NPEPL1: variants seen among roughly 807,000 people sequenced by gnomAD.
The protein encoded by NPEPL1 is probable aminopeptidase NPEPL1.
NPEPL1 carries 45 observed loss-of-function variants against 52.4 expected under a neutral mutation model. The observed-to-expected ratio is 0.86, with a 90% CI of 0.68 to 1.10. The LOEUF is 1.10. Among genes scored for constraint, NPEPL1 ranks in the 50% least tolerant of loss-of-function variants. The probability of loss-of-function intolerance (pLI) is 0.00; values close to 1 mark genes in which losing one functional copy is unlikely to be tolerated. For missense variants in NPEPL1, 696 were observed against 710.9 expected, an observed-to-expected ratio of 0.98 and a Z score of 0.24; for synonymous variants, 360 against 314.7, an observed-to-expected ratio of 1.14 and a Z score of -1.52.
intron 4 of NPEPL1, 38 bp from the exon 5 acceptor site, chr20:58,699,159 T>G: frequency 5.3e-6 from 8 of 1,513,358 alleles, no homozygotes; most frequent in Non-Finnish European, 7.2e-6. Flanking sequence ...CATCTTCATG[T>G]GTTGTTGTGC....
In NPEPL1 at chr20:58,715,661, C is replaced by T. The variant is rs2084936374; in HGVS notation, c.*335C>T. 5.1e-6 allele frequency: 1 copy of T among 195,714 alleles called. No individual in the cohort carries two copies. The highest frequency in any genetic ancestry group is 1.0e-5 in the Non-Finnish European group (1 of 96,916). The allele number at this position is 195,714 out of a possible 1,614,324, so 12.1% of individuals were successfully genotyped here. On this transcript the variant is annotated 3_prime_UTR_variant, in exon 12 of 12. Coordinates refer to ENST00000356091, the MANE Select transcript of NPEPL1 (RefSeq NM_024663.4). ...CAGCCCCAGGTCCTGTGCAGGGCAC[C>T]TGCGTGGCTGACAGCCAGGCTCTTA...
In NPEPL1 at chr20:58,692,945, G is replaced by A; in HGVS notation, c.45G>A (p.Ser15=). 8.6e-7 allele frequency: 1 copy of A among 1,162,302 alleles called. No individual in the cohort carries two copies. The highest frequency in any genetic ancestry group is 1.1e-6 in the Non-Finnish European group (1 of 927,380). The allele number at this position is 1,162,302 out of a possible 1,614,324, so 72.0% of individuals were successfully genotyped here. A position where few individuals can be genotyped will look rare whatever the true frequency, so the allele number is the denominator to read the frequency against. ...AGTTCCAGGCGAGCGCGGGGGACTC[G>A]GACCCACAGAGCCGGCCCCTGCTGC... ...GLQFQASAGD[S]DPQSRPLLLL... is the part of the protein sequence containing the mutation. Residue 15 remains serine, a synonymous_variant, in exon 1 of 12, where the codon TCG becomes TCA. Transcript: ENST00000356091. The surrounding 1 kb of genome is among the most constrained non-coding windows in gnomAD (Gnocchi z 5.7).
chr20:58,711,823 C>G (rs575077395), intron 7 of NPEPL1, among the ~76,000 whole-genome samples: 3 of 152,212 alleles, frequency 2.0e-5, no homozygotes, highest in Non-Finnish European at 4.4e-5. Flanking sequence ...TCCGCGCTCT[C>G]GAGGCATGCT....
rs374053716 is a variant in NPEPL1, at chr20:58,714,021, G to C, written c.1230G>C (p.Pro410=). The change falls in exon 10 of 12, where the codon CCG becomes CCC. Residue 410 remains proline, a synonymous_variant. Transcript: ENST00000356091. ...AGRKCGDLVH[P]LVYCPELHFS... Reference sequence around the variant, plus strand: ...GGAAGTGTGGGGACCTGGTGCACCCGCTGGTCTACTGCCCCGAGCTGCACT... The same window carrying C: ...GGAAGTGTGGGGACCTGGTGCACCCCCTGGTCTACTGCCCCGAGCTGCACT... 3.9e-6 allele frequency: 6 copies of C among 1,528,994 alleles called. No homozygotes were observed. The South Asian group carries it at 5.0e-5, about 13-fold the overall frequency. The allele number at this position is 1,528,994 out of a possible 1,614,324, so 94.7% of individuals were successfully genotyped here.
upstream of NPEPL1, chr20:58,691,708 TTTTTTTC>T (rs2123067783): frequency 2.7e-6 from 2 of 739,638 alleles, no homozygotes; most frequent in Non-Finnish European, 2.1e-6. Context: ...TTTTTTTTTT[TTTTTTTC>T]ATTTTTAGGC....
chr20:58,698,533 G>T, intron 3 of NPEPL1, 151 bp from the exon 4 acceptor site: 1 of 707,330 alleles, frequency 1.4e-6, no homozygotes, highest in Non-Finnish European at 2.5e-6. Flanking sequence ...CAGGCAGCGA[G>T]AGCCATGGTC....
intron 6 of NPEPL1, among the ~76,000 whole-genome samples, chr20:58,702,057 C>G (rs2084637536): frequency 6.6e-6 from 1 of 152,244 alleles, no homozygotes. Flanking sequence ...GAAGTACATA[C>G]CTCAGGAGGT....
intron 7 of NPEPL1, among the ~76,000 whole-genome samples, chr20:58,710,411 G>A (rs2084812043): frequency 6.6e-6 from 1 of 152,096 alleles, no homozygotes; most frequent in African/African-American, 2.4e-5. Context: ...TTTAGAAAGA[G>A]GATGTACCAT....
chr20:58,714,281 GCTTCC>G, intron 10 of NPEPL1, 188 bp downstream of exon 10: 1 of 649,524 alleles, frequency 1.5e-6, no homozygotes, highest in Admixed American at 3.3e-5. Flanking sequence ...CCACTCACTG[GCTTCC>G]CTGCCACACA....
chr20:58,689,156 C>A (rs963742856), upstream of NPEPL1: 1 of 152,286 alleles, frequency 6.6e-6, no homozygotes, highest in East Asian at 1.9e-4. Context: ...TTCAGGCCTG[C>A]CTGAGGCACT....
chr20:58,714,535 C>T, intron 10 of NPEPL1, 25 bp from the exon 11 acceptor site: 1 of 1,526,628 alleles, frequency 6.6e-7, no homozygotes, highest in Non-Finnish European at 8.8e-7. Flanking sequence ...AACCCACAGG[C>T]ACTGTGTCCT....
intron 2 of NPEPL1, 80 bp downstream of exon 2, chr20:58,694,002 G>C (rs557907337): frequency 1.5e-6 from 2 of 1,353,576 alleles, no homozygotes; most frequent in Non-Finnish European, 2.0e-6. Context: ...TCACAGCCCT[G>C]CTCAGACTGC....
At position 58,707,063 on chromosome 20, in the gene NPEPL1, C is replaced by T. The variant is rs567044645; in HGVS notation, c.823-60C>T. On this transcript the variant is annotated intron_variant, in intron 6 of 11. Transcript: ENST00000356091. ...GGGCCGGGTGGGGGTGGGGGGCTTCCGCTGCCAGGCCTGGACCTCACAGCT... is the reference window on the plus strand; with the variant it reads ...GGGCCGGGTGGGGGTGGGGGGCTTCTGCTGCCAGGCCTGGACCTCACAGCT... The T allele has an allele frequency of 3.1e-5, 47 of 1,514,794 alleles. 1 individual carries two copies. The highest frequency in any genetic ancestry group is 2.4e-4 in the South Asian group (20 of 83,374). 93.8% of individuals were successfully genotyped at this position (1,514,794 alleles called of 1,614,324 possible). A position where few individuals can be genotyped will look rare whatever the true frequency, so the allele number is the denominator to read the frequency against.
intron 6 of NPEPL1, chr20:58,703,857 T>C (rs2084684346): frequency 1.0e-6 from 1 of 984,892 alleles, no homozygotes; most frequent in Non-Finnish European, 1.2e-6. Flanking sequence ...TTTCCATGGC[T>C]CCAGATCACC....
At chr20:58,702,487 C>CTGTT (rs1457705672) in intron 6 of NPEPL1, among the ~76,000 whole-genome samples, 5 of 152,318 alleles carry the variant, frequency 3.3e-5, no homozygotes, top group East Asian at 3.9e-4. Context: ...AACCACAAAA[C>CTGTT]TGTTTAGAAC....
At chr20:58,712,748 C>T (rs1236609831) in intron 8 of NPEPL1, 169 bp downstream of exon 8, 4 of 694,084 alleles carry the variant, frequency 5.8e-6, no homozygotes, top group Non-Finnish European at 1.1e-5. Flanking sequence ...GTAGCAGGCG[C>T]ACCTCACGTT....
At chr20:58,691,717 T>TTTTGTTTG, upstream of NPEPL1, 2 of 747,886 alleles carry the variant, frequency 2.7e-6, no homozygotes, top group South Asian at 1.7e-5. Context: ...TTTTTTTTCA[T>TTTTGTTTG]TTTTAGGCTG....
intron 3 of NPEPL1, among the ~76,000 whole-genome samples, chr20:58,696,863 G>C (rs1017971923): frequency 1.3e-5 from 2 of 152,000 alleles, no homozygotes; most frequent in African/African-American, 4.8e-5. Flanking sequence ...ACATTGAGTG[G>C]CTCACCGGGG....
At chr20:58,709,892 G>A (rs2084802377) in intron 7 of NPEPL1, among the ~76,000 whole-genome samples, 1 of 152,214 alleles carries the variant, frequency 6.6e-6, no homozygotes, top group Non-Finnish European at 1.5e-5. Context: ...CGTCTGAGGA[G>A]CACATGGAAT....
Sources: gnomAD v4.1 joint callset for allele counts (sites outside exome capture counted in the v4.1 genomes callset) on GRCh38, gnomAD v4.1.1 for gene constraint, Gnocchi (gnomAD v3.1) non-coding constraint, MANE v1.5 for transcripts, NCBI Gene and HGNC (gene_info 2026-07-23, HGNC 2026-07-21) for gene names.